Variants in KCNJ6 observed in about 807,000 individuals in gnomAD.
The protein encoded by KCNJ6 is potassium inwardly rectifying channel subfamily J member 6.
In KCNJ6, 9 loss-of-function variants were observed where a neutral mutation model predicts 34.2. That is an observed-to-expected ratio of 0.26 (90% CI 0.16 to 0.46). The LOEUF is 0.46. KCNJ6 is among the 20% of genes least tolerant of loss of function. The pLI is 1.00. For missense variants in KCNJ6, 236 were observed against 531.3 expected, an observed-to-expected ratio of 0.44 and a Z score of 5.46; for synonymous variants, 196 against 207.1, an observed-to-expected ratio of 0.95 and a Z score of 0.46.
At position 37,617,782 on chromosome 21, in the gene KCNJ6, C is replaced by T. The variant is rs989836506; in HGVS notation, c.*7377G>A. ...GAAAATCAGAACTTTTGGGGATTTC[C>T]TTACCCTGACTCCATTTATTTTACT... On this transcript the variant is annotated 3_prime_UTR_variant, in exon 4 of 4. Coordinates refer to ENST00000609713, the MANE Select transcript of KCNJ6 (RefSeq NM_002240.5). 6.6e-6 allele frequency: 1 copy of T among 152,238 alleles called. No homozygotes were observed. Among genetic ancestry groups the T allele is most frequent in the Non-Finnish European group, 1.5e-5 (1 of 68,050 alleles). The allele number at this position is 152,238 out of a possible 1,614,324, so 9.4% of individuals were successfully genotyped here.
chr21:37,851,833 G>C (rs950891701), intron 1 of KCNJ6, among the ~76,000 whole-genome samples: 1 of 151,832 alleles, frequency 6.6e-6, no homozygotes, highest in Non-Finnish European at 1.5e-5. Context: ...AAGGTGAATA[G>C]AGGAAGCCAT....
At chr21:37,886,776 G>A (rs2055737492) in intron 1 of KCNJ6, among the ~76,000 whole-genome samples, 1 of 152,092 alleles carries the variant, frequency 6.6e-6, no homozygotes, top group Non-Finnish European at 1.5e-5. Flanking sequence ...GCCATTTCTA[G>A]AACCTCTGGC....
intron 2 of KCNJ6, among the ~76,000 whole-genome samples, chr21:37,765,384 T>A (rs2055085787): frequency 6.6e-6 from 1 of 152,208 alleles, no homozygotes; most frequent in Non-Finnish European, 1.5e-5. Context: ...GGGAGGATTT[T>A]TCCTCCAGGG....
intron 2 of KCNJ6, among the ~76,000 whole-genome samples, chr21:37,815,055 C>G (rs1223684066): frequency 1.3e-5 from 2 of 151,922 alleles, no homozygotes; most frequent in African/African-American, 2.4e-5. Context: ...TTTTTGGGAT[C>G]TTAACATCAA....
chr21:37,829,408 G>A (rs1484347473), intron 2 of KCNJ6, among the ~76,000 whole-genome samples: 2 of 152,218 alleles, frequency 1.3e-5, no homozygotes, highest in Non-Finnish European at 2.9e-5. Flanking sequence ...GGGAGCTGGG[G>A]GCCTCCAGCT....
At chr21:37,835,729 A>T (rs1432231788) in intron 2 of KCNJ6, among the ~76,000 whole-genome samples, 1 of 152,116 alleles carries the variant, frequency 6.6e-6, no homozygotes, top group Non-Finnish European at 1.5e-5. Flanking sequence ...CCTCCACTAG[A>T]ATCAGGCTTT....
At chr21:37,679,137 C>T (rs1288195261) in intron 3 of KCNJ6, among the ~76,000 whole-genome samples, 3 of 152,162 alleles carry the variant, frequency 2.0e-5, no homozygotes, top group African/African-American at 7.2e-5. Context: ...TGTCAACAGC[C>T]ATATTAGTGT....
intron 3 of KCNJ6, among the ~76,000 whole-genome samples, chr21:37,645,393 CAAAA>C (rs1305180610): frequency 6.6e-6 from 1 of 151,854 alleles, no homozygotes; most frequent in African/African-American, 2.4e-5. Context: ...AACAAATAAA[CAAAA>C]AAACCAAACA....
chr21:37,777,601 T>C (rs1000952625), intron 2 of KCNJ6, among the ~76,000 whole-genome samples: 1 of 152,206 alleles, frequency 6.6e-6, no homozygotes, highest in African/African-American at 2.4e-5. Flanking sequence ...AGGTACTAAG[T>C]ATTATGCTCA....
intron 2 of KCNJ6, among the ~76,000 whole-genome samples, chr21:37,825,538 T>G (rs1469188513): frequency 2.0e-5 from 3 of 152,182 alleles, no homozygotes; most frequent in African/African-American, 7.2e-5. Flanking sequence ...CTAGACTTTC[T>G]CTTACTATTT....
Position 37,729,604 on chromosome 21 carries a change from G to A in KCNJ6, c.26-14473C>T, listed in dbSNP as rs982780155. Reference sequence around the variant, plus strand: ...CTCCCAAAATGTTGGCATTATAGGCGTGAGCCACCATGCCCAGCCCCTGAT... The same window carrying A: ...CTCCCAAAATGTTGGCATTATAGGCATGAGCCACCATGCCCAGCCCCTGAT... On this transcript the variant is annotated intron_variant, in intron 2 of 3. Transcript: ENST00000609713. Among the ~76,000 whole-genome samples the A allele has an allele frequency of 3.3e-5, 5 of 152,318 alleles. No homozygotes were observed. The South Asian group carries it at 6.2e-4, about 19-fold the overall frequency.
rs141131603 is a variant in KCNJ6, at chr21:37,803,896, C to T, written c.25+36762G>A. Among the ~76,000 whole-genome samples, 413 of 152,236 alleles carry T rather than the reference C, an allele frequency of 2.7e-3. 5 individuals are homozygous for T. The highest frequency in any genetic ancestry group is 9.4e-3 in the African/African-American group (389 of 41,536). On this transcript the variant is annotated intron_variant, in intron 2 of 3. Transcript: ENST00000609713. ...GGGACACTGGATAGAGGGGAGGGCT[C>T]ACAGAAGGGGCGTCCTTTTGGGGAA...
At chr21:37,688,553 T>C (rs1014803710) in intron 3 of KCNJ6, among the ~76,000 whole-genome samples, 2 of 152,120 alleles carry the variant, frequency 1.3e-5, no homozygotes, top group East Asian at 3.9e-4. Context: ...AGGGCATGAG[T>C]GAAAGGGCTC....
At chr21:37,769,642 A>C (rs2055108595) in intron 2 of KCNJ6, among the ~76,000 whole-genome samples, 1 of 151,414 alleles carries the variant, frequency 6.6e-6, no homozygotes, top group Admixed American at 6.6e-5. Flanking sequence ...TACGGAATTG[A>C]TTGGGAAGTA....
rs1308736431 is a variant in KCNJ6, at chr21:37,611,796, A to C, written c.*13363T>G. The C allele has an allele frequency of 6.6e-6, 1 of 152,166 alleles. No individual in the cohort carries two copies. Among genetic ancestry groups the C allele is most frequent in the African/African-American group, 2.4e-5 (1 of 41,442 alleles). 9.4% of individuals were successfully genotyped at this position (152,166 alleles called of 1,614,324 possible). ...ACAGTCTTTCATGATAAAAACACTC[A>C]GTAAAGCAGGAATAGAGGAGAAGCC... On this transcript the variant is annotated 3_prime_UTR_variant, in exon 4 of 4. Transcript: ENST00000609713.
chr21:37,615,179 T>C lies in KCNJ6; in HGVS notation c.*9980A>G, dbSNP rs2054261652. 2.0e-5 allele frequency: 3 copies of C among 151,688 alleles called. 1 individual carries two copies. The highest frequency in any genetic ancestry group is 1.3e-4 in the Admixed American group (2 of 15,228). The allele number at this position is 151,688 out of a possible 1,614,324, so 9.4% of individuals were successfully genotyped here. A position where few individuals can be genotyped will look rare whatever the true frequency, so the allele number is the denominator to read the frequency against. ...CCTGACTCCCACAGTGTGGGCATGG[T>C]TCAGGGATTTGAATATTAATGTCCT... On this transcript the variant is annotated 3_prime_UTR_variant, in exon 4 of 4. Transcript: ENST00000609713.
chr21:37,708,960 C>G (rs2054735502), intron 3 of KCNJ6, among the ~76,000 whole-genome samples: 1 of 152,126 alleles, frequency 6.6e-6, no homozygotes, highest in Non-Finnish European at 1.5e-5. Context: ...GAAAAATGTG[C>G]CTGGAAATCA....
chr21:37,842,291 C>T (rs2055484849), intron 1 of KCNJ6, among the ~76,000 whole-genome samples: 1 of 152,166 alleles, frequency 6.6e-6, no homozygotes. Context: ...TGCTTTTCCC[C>T]ACGGCCCTGG....
chr21:37,625,095 G>T lies in KCNJ6; in HGVS notation c.*64C>A, dbSNP rs2054304711. 1.7e-6 allele frequency: 2 copies of T among 1,143,176 alleles called. No individual in the cohort carries two copies. Among genetic ancestry groups the T allele is most frequent in the African/African-American group, 1.5e-5 (1 of 64,738 alleles). 70.8% of individuals were successfully genotyped at this position (1,143,176 alleles called of 1,614,324 possible). A position where few individuals can be genotyped will look rare whatever the true frequency, so the allele number is the denominator to read the frequency against. ...AAAGCAAGAGAGACAGAAAAAGAAA[G>T]AGAATGAGAGACAAGGAAAGATTGT... On this transcript the variant is annotated 3_prime_UTR_variant, in exon 4 of 4. Coordinates refer to ENST00000609713, the MANE Select transcript of KCNJ6 (RefSeq NM_002240.5).
Sources: gnomAD v4.1 joint callset for allele counts (sites outside exome capture counted in the v4.1 genomes callset) on GRCh38, gnomAD v4.1.1 for gene constraint, MANE v1.5 for transcripts, NCBI Gene and HGNC (gene_info 2026-07-23, HGNC 2026-07-21) for gene names.